CNTN5: variants seen among roughly 807,000 people sequenced by gnomAD.
CNTN5 encodes contactin-5.
A neutral mutation model predicts 129.1 loss-of-function variants in CNTN5; 77 were observed. That is an observed-to-expected ratio of 0.60 (90% CI 0.50 to 0.72). The LOEUF (loss-of-function observed/expected upper bound fraction) is 0.72, where lower values mean the gene tolerates loss of function less well. Ranked by LOEUF, CNTN5 falls within the 30% of genes least tolerant of loss-of-function variation. The probability of loss-of-function intolerance (pLI) is 0.00; values close to 1 mark genes in which losing one functional copy is unlikely to be tolerated. For synonymous variants in CNTN5, 509 were observed against 465.6 expected (o/e 1.09, Z -1.20); for missense variants, 1,478 against 1,328.8 (o/e 1.11, Z -1.75).
intron 3 of CNTN5, among the ~76,000 whole-genome samples, chr11:99,808,055 G>A (rs1296173265): frequency 2.6e-5 from 4 of 152,064 alleles, no homozygotes; most frequent in Admixed American, 1.3e-4. Flanking sequence ...TTCTCATACC[G>A]ATTTGGAAGG....
intron 16 of CNTN5, chr11:100,225,054 A>C (rs1949342994): frequency 3.2e-6 from 1 of 311,860 alleles, no homozygotes; most frequent in African/African-American, 2.1e-5. Context: ...GTAAGTTGTC[A>C]CTAAGTGTTT....
chr11:100,197,582 T>A (rs1286182049), intron 15 of CNTN5, among the ~76,000 whole-genome samples: 1 of 151,970 alleles, frequency 6.6e-6, no homozygotes, highest in Non-Finnish European at 1.5e-5. Context: ...TCTCAGGATA[T>A]CTGAATAGCA....
At chr11:99,591,398 C>T (rs991528852) in intron 3 of CNTN5, among the ~76,000 whole-genome samples, 4 of 131,466 alleles carry the variant, frequency 3.0e-5, no homozygotes, top group Non-Finnish European at 4.6e-5. Flanking sequence ...AGTGCAGTGG[C>T]GTGATCTTGG....
chr11:99,430,565 C>T (rs1328980492), intron 2 of CNTN5, among the ~76,000 whole-genome samples: 1 of 150,938 alleles, frequency 6.6e-6, no homozygotes, highest in African/African-American at 2.4e-5. Flanking sequence ...TGATTTTAAC[C>T]ATGGGCCTCC....
chr11:99,240,609 T>A (rs536621129), intron 1 of CNTN5, among the ~76,000 whole-genome samples: 10 of 151,296 alleles, frequency 6.6e-5, no homozygotes, highest in South Asian at 2.1e-4. Context: ...ATGAAAAAAA[T>A]TTCTGGGGTC....
intron 3 of CNTN5, among the ~76,000 whole-genome samples, chr11:99,570,243 A>C (rs1237425277): frequency 6.6e-6 from 1 of 152,142 alleles, no homozygotes; most frequent in Non-Finnish European, 1.5e-5. Context: ...GCTGGCCCAA[A>C]GCTATTTTTA....
At chr11:99,865,824 A>AT (rs1948340003) in intron 6 of CNTN5, among the ~76,000 whole-genome samples, 1 of 152,146 alleles carries the variant, frequency 6.6e-6, no homozygotes, top group Non-Finnish European at 1.5e-5. Context: ...TTAGGCTTAT[A>AT]AGTAGCTGTA....
chr11:99,627,724 A>T (rs562681489), intron 3 of CNTN5, among the ~76,000 whole-genome samples: 62 of 151,966 alleles, frequency 4.1e-4, no homozygotes, highest in African/African-American at 1.5e-3. Flanking sequence ...AAAAGCTCTT[A>T]TGCACTTGTT....
intron 2 of CNTN5, among the ~76,000 whole-genome samples, chr11:99,338,981 G>GTGTGTA (rs35294345): frequency 1.6e-5 from 2 of 125,812 alleles, no homozygotes; most frequent in South Asian, 2.5e-4. Flanking sequence ...GTGTGTGTGT[G>GTGTGTA]TATATATATA....
At chr11:100,038,063 G>T (rs977265966) in intron 9 of CNTN5, among the ~76,000 whole-genome samples, 2 of 151,564 alleles carry the variant, frequency 1.3e-5, no homozygotes, top group African/African-American at 4.9e-5. Flanking sequence ...TGATGTTAGG[G>T]TGTCAATTTT....
At chr11:99,408,442 AAGAAAG>A (rs796811497) in intron 2 of CNTN5, among the ~76,000 whole-genome samples, 2,046 of 57,092 alleles carry the variant, frequency 0.036, 56 homozygotes, top group African/African-American at 0.078. Context: ...GAAAGAAAGA[AAGAAAG>A]AGAAAGAAAG....
chr11:100,312,431 TCTC>T (rs1011313721), intron 21 of CNTN5, among the ~76,000 whole-genome samples: 1 of 152,118 alleles, frequency 6.6e-6, no homozygotes, highest in Non-Finnish European at 1.5e-5. Context: ...AACTTACTGC[TCTC>T]CTCTTCTCCC....
intron 1 of CNTN5, among the ~76,000 whole-genome samples, chr11:99,023,145 T>C (rs11218084): frequency 0.042 from 6,454 of 152,266 alleles, 474 homozygotes; most frequent in East Asian, 0.23. Flanking sequence ...ACTTCAAGTA[T>C]TAGGTGGTCT....
chr11:100,014,951 T>C (rs1023544354), intron 9 of CNTN5, among the ~76,000 whole-genome samples: 2 of 152,150 alleles, frequency 1.3e-5, no homozygotes, highest in Non-Finnish European at 2.9e-5. Context: ...TTATTATCAC[T>C]ACGGGTGACC....
chr11:100,054,288 G>A (rs955663044), intron 9 of CNTN5, among the ~76,000 whole-genome samples: 1 of 151,692 alleles, frequency 6.6e-6, no homozygotes, highest in Admixed American at 6.6e-5. Flanking sequence ...AAGTTACCCA[G>A]TGAAGGATGT....
chr11:99,669,362 C>T (rs1265201189), intron 3 of CNTN5, among the ~76,000 whole-genome samples: 1 of 151,914 alleles, frequency 6.6e-6, no homozygotes, highest in Non-Finnish European at 1.5e-5. Context: ...CTTCGAGTAA[C>T]CTGGCTATTT....
At chr11:99,348,276 T>G (rs1938046397) in intron 2 of CNTN5, among the ~76,000 whole-genome samples, 1 of 152,058 alleles carries the variant, frequency 6.6e-6, no homozygotes, top group South Asian at 2.1e-4. Context: ...GAGGCGGAGC[T>G]TGCAGTGAGC....
intron 2 of CNTN5, among the ~76,000 whole-genome samples, chr11:99,411,135 C>T (rs1217647774): frequency 6.6e-6 from 1 of 152,150 alleles, no homozygotes; most frequent in Admixed American, 6.5e-5. Context: ...TTTATTTTCA[C>T]ATATTTTCTA....
At chr11:99,865,272 A>C (rs148369890) in intron 6 of CNTN5, among the ~76,000 whole-genome samples, 3,233 of 152,228 alleles carry the variant, frequency 0.021, 57 homozygotes, top group Non-Finnish European at 0.03. Context: ...AAATGTCTGA[A>C]AGTTTGGGAC....
Sources: allele counts gnomAD v4.1 joint callset (sites outside exome capture counted in the v4.1 genomes callset), GRCh38; gene constraint gnomAD v4.1.1; transcripts MANE v1.5; gene names NCBI Gene and HGNC (gene_info 2026-07-23, HGNC 2026-07-21).